Variants in OLA1 observed in about 807,000 individuals in gnomAD.
The protein encoded by OLA1 is obg-like ATPase 1.
Under a neutral mutation model 48.4 loss-of-function variants are expected in OLA1, and 14 were observed. That is an observed-to-expected ratio of 0.29 (90% confidence interval 0.19 to 0.45). OLA1 has a LOEUF of 0.45. Among genes scored for constraint, OLA1 ranks in the 20% least tolerant of loss-of-function variants. The pLI is 1.00. For missense variants in OLA1, 325 were observed against 467.1 expected (o/e 0.70, Z 2.80); for synonymous variants, 127 against 150.4 (o/e 0.84, Z 1.14).
intron 5 of OLA1, among the ~76,000 whole-genome samples, chr2:174,129,382 C>G (rs888441841): frequency 6.6e-6 from 1 of 151,660 alleles, no homozygotes; most frequent in Non-Finnish European, 1.5e-5. Flanking sequence ...GGTGTGAACC[C>G]GGGAGGCGGA....
intron 4 of OLA1, among the ~76,000 whole-genome samples, chr2:174,203,704 C>T (rs896466836): frequency 6.6e-6 from 1 of 151,912 alleles, no homozygotes; most frequent in East Asian, 1.9e-4. Flanking sequence ...TAAATAGATG[C>T]TTTGTTATTT....
chr2:174,130,598 A>G (rs1212910737), intron 5 of OLA1, among the ~76,000 whole-genome samples: 1 of 152,200 alleles, frequency 6.6e-6, no homozygotes, highest in Non-Finnish European at 1.5e-5. Context: ...TAAAGAGAAG[A>G]AGGCAACTGT....
chr2:174,179,386 C>T lies in OLA1; in HGVS notation c.374-37386G>A, dbSNP rs544082404. ...ACTGCAGTTTATTAAATATTCAAAA[C>T]TTCATGTCCATGTGCTAGATATTTA... On this transcript the variant is annotated intron_variant, in intron 4 of 10. Coordinates refer to ENST00000284719, the MANE Select transcript of OLA1 (RefSeq NM_013341.5). Among the ~76,000 whole-genome samples the T allele has an allele frequency of 3.1e-3, 477 of 151,966 alleles. 3 individuals are homozygous for T. Among genetic ancestry groups the T allele is most frequent in the South Asian group, 0.013 (62 of 4,826 alleles).
At chr2:174,246,847 C>G in intron 1 of OLA1, 32 bp from the exon 2 acceptor site, 3 of 1,352,362 alleles carry the variant, frequency 2.2e-6, no homozygotes, top group Non-Finnish European at 3.2e-6. Flanking sequence ...ATGAACAAAA[C>G]TTTTTACTAT....
intron 5 of OLA1, among the ~76,000 whole-genome samples, chr2:174,128,673 G>A (rs992195839): frequency 2.6e-5 from 4 of 151,346 alleles, no homozygotes; most frequent in Non-Finnish European, 5.9e-5. Flanking sequence ...GGAAGTGGAG[G>A]TTGCAGTGAG....
intron 4 of OLA1, among the ~76,000 whole-genome samples, chr2:174,184,780 C>G (rs1225538958): frequency 6.6e-6 from 1 of 152,092 alleles, no homozygotes; most frequent in Non-Finnish European, 1.5e-5. Flanking sequence ...CAAAATAAAA[C>G]ATTTATTTCA....
chr2:174,147,876 T>C (rs959672145), intron 4 of OLA1, among the ~76,000 whole-genome samples: 1 of 152,100 alleles, frequency 6.6e-6, no homozygotes, highest in East Asian at 1.9e-4. Flanking sequence ...CAGGCTGGAG[T>C]GTAGTGGTGG....
At chr2:174,123,303 C>A (rs754532483) in intron 6 of OLA1, 26 bp from the exon 7 acceptor site, 1 of 1,145,746 alleles carries the variant, frequency 8.7e-7, no homozygotes, top group Non-Finnish European at 1.3e-6. Context: ...GAGAAAGAAT[C>A]CCTTTTAAAA....
rs1349682033 is a variant in OLA1 at position 174,178,707 on chromosome 2, G to C, written c.374-36707C>G. 5.3e-5 allele frequency among the ~76,000 whole-genome samples: 8 copies of C among 151,820 alleles called. 1 individual carries two copies. The Middle Eastern group carries it at 0.017, about 323-fold the overall frequency. ...CATCTTTAACCTAAGCTTTATACTT[G>C]GTTTAAATGTCTAATCACAAAATGA... On this transcript the variant is annotated intron_variant, in intron 4 of 10. Transcript: ENST00000284719.
At chr2:174,233,265 T>C (rs1165184085) in intron 2 of OLA1, among the ~76,000 whole-genome samples, 3 of 152,146 alleles carry the variant, frequency 2.0e-5, no homozygotes, top group Non-Finnish European at 4.4e-5. Context: ...GTATACAGTT[T>C]CAGTTACGCA....
At chr2:174,191,502 T>C (rs1687777215) in intron 4 of OLA1, among the ~76,000 whole-genome samples, 1 of 152,080 alleles carries the variant, frequency 6.6e-6, no homozygotes, top group Non-Finnish European at 1.5e-5. Context: ...TCGCTCAGGC[T>C]GGAGTGCAGA....
At chr2:174,167,720 T>C (rs968240307) in intron 4 of OLA1, among the ~76,000 whole-genome samples, 2 of 152,330 alleles carry the variant, frequency 1.3e-5, no homozygotes, top group East Asian at 3.9e-4. Flanking sequence ...TTATACTTGG[T>C]AGTAAGTTAA....
At chr2:174,104,787 T>C (rs970065274) in intron 7 of OLA1, among the ~76,000 whole-genome samples, 1 of 152,034 alleles carries the variant, frequency 6.6e-6, no homozygotes, top group East Asian at 1.9e-4. Context: ...GCAATTCCGG[T>C]TTATTTCTCC....
intron 2 of OLA1, among the ~76,000 whole-genome samples, chr2:174,244,628 AAT>A (rs1689087053): frequency 6.6e-6 from 1 of 150,662 alleles, no homozygotes; most frequent in Non-Finnish European, 1.5e-5. Context: ...ATTAAAAAAA[AAT>A]TTTTTTTTTT....
intron 7 of OLA1, among the ~76,000 whole-genome samples, chr2:174,100,778 C>CA (rs1314253439): frequency 6.6e-6 from 1 of 152,156 alleles, no homozygotes; most frequent in African/African-American, 2.4e-5. Context: ...ACTATCCCCC[C>CA]ACAAAGATAT....
At position 174,072,920 on chromosome 2, in the gene OLA1, T is replaced by C. The variant is rs1431156283; in HGVS notation, c.*2506A>G. The C allele has an allele frequency of 4.6e-5, 7 of 152,206 alleles. No individual in the cohort carries two copies. Among genetic ancestry groups the C allele is most frequent in the African/African-American group, 1.2e-4 (5 of 41,456 alleles). The allele number at this position is 152,206 out of a possible 1,614,324, so 9.4% of individuals were successfully genotyped here. ...CAAAATGCATGTTATGAAGATAACA[T>C]GATAAAACACAACTAAATGCTATTA... On this transcript the variant is annotated 3_prime_UTR_variant, in exon 11 of 11. Transcript: ENST00000284719.
chr2:174,173,827 G>A (rs1687361540), intron 4 of OLA1, among the ~76,000 whole-genome samples: 1 of 151,788 alleles, frequency 6.6e-6, no homozygotes, highest in Non-Finnish European at 1.5e-5. Context: ...AGACATTATA[G>A]GTCCTAAGTC....
intron 4 of OLA1, chr2:174,217,986 T>A (rs1559010538): frequency 6.6e-6 from 1 of 151,938 alleles, no homozygotes; most frequent in Non-Finnish European, 1.5e-5. Context: ...AGGTCATTCT[T>A]GAATCAGTAT....
intron 2 of OLA1, among the ~76,000 whole-genome samples, chr2:174,246,021 T>C (rs1391482135): frequency 6.6e-6 from 1 of 152,000 alleles, no homozygotes; most frequent in Non-Finnish European, 1.5e-5. Flanking sequence ...ACATTACAGC[T>C]GGGCTCAGTG....
Sources: gnomAD v4.1 joint callset for allele counts (sites outside exome capture counted in the v4.1 genomes callset) on GRCh38, gnomAD v4.1.1 for gene constraint, MANE v1.5 for transcripts, NCBI Gene and HGNC (gene_info 2026-07-23, HGNC 2026-07-21) for gene names.